Variants in HCFC2 observed in about 807,000 individuals in gnomAD.
HCFC2 encodes the protein host cell factor 2.
HCFC2 carries 18 observed loss-of-function variants against 89.2 expected under a neutral mutation model. The ratio of observed to expected loss-of-function variants is 0.20; its 90% CI spans 0.14 to 0.30. HCFC2 has a LOEUF of 0.30. Among genes scored for constraint, HCFC2 ranks in the 10% least tolerant of loss-of-function variants. The probability of loss-of-function intolerance (pLI) is 1.00; values close to 1 mark genes in which losing one functional copy is unlikely to be tolerated. For synonymous variants in HCFC2, 308 were observed against 335.7 expected, an observed-to-expected ratio of 0.92 and a Z score of 0.90; for missense variants, 578 against 956.1, an observed-to-expected ratio of 0.60 and a Z score of 5.21.
At chr12:104,088,837 T>C (rs1376648139) in intron 9 of HCFC2, among the ~76,000 whole-genome samples, 4 of 152,220 alleles carry the variant, frequency 2.6e-5, no homozygotes, top group Non-Finnish European at 5.9e-5. Context: ...GTTGATTATA[T>C]ACTATATATG....
chr12:104,084,034 G>C (rs1883760056), intron 7 of HCFC2, among the ~76,000 whole-genome samples: 1 of 152,050 alleles, frequency 6.6e-6, no homozygotes, highest in Non-Finnish European at 1.5e-5. Flanking sequence ...TCTCGAAAGG[G>C]GGAAAATAAT....
At chr12:104,074,704 T>A (rs1453655652) in intron 3 of HCFC2, among the ~76,000 whole-genome samples, 1 of 152,186 alleles carries the variant, frequency 6.6e-6, no homozygotes, top group Non-Finnish European at 1.5e-5. Flanking sequence ...TTTCTAACAT[T>A]TATTTATAAT....
At chr12:104,070,093 T>G (rs2954599) in intron 3 of HCFC2, among the ~76,000 whole-genome samples, 146,928 of 152,148 alleles carry the variant, frequency 0.97, 70,972 homozygotes, top group East Asian at 1. Flanking sequence ...CGCAATCCCG[T>G]CTCACTGCAA....
chr12:104,095,210 G>A lies in HCFC2; in HGVS notation c.1463-150G>A, dbSNP rs1884139167. On this transcript the variant is annotated intron_variant, in intron 10 of 14. Coordinates refer to ENST00000229330, the MANE Select transcript of HCFC2 (RefSeq NM_013320.3). This position sits in a 1 kb window ranked among gnomAD's most constrained non-coding sequence, Gnocchi z 4.2. ...CACTTTATTTTTCTAAACATTTTAT[G>A]CCTAATGGATAATTCATACTAATAC... 59 of 612,396 alleles carry A rather than the reference G, an allele frequency of 9.6e-5. No homozygotes were observed. The South Asian group carries it at 1.2e-3, about 13-fold the overall frequency. The allele number at this position is 612,396 out of a possible 1,614,324, so 37.9% of individuals were successfully genotyped here.
In HCFC2 at chr12:104,068,265, C is replaced by G. The variant is rs368492057; in HGVS notation, c.473+158C>G. Among the ~76,000 whole-genome samples the G allele has an allele frequency of 2.2e-4, 34 of 152,110 alleles. No homozygotes were observed. In the East Asian group the frequency reaches 6.4e-3, roughly 29 times the overall value. On this transcript the variant is annotated intron_variant, in intron 3 of 14. Coordinates refer to ENST00000229330, the MANE Select transcript of HCFC2 (RefSeq NM_013320.3). This position sits in a 1 kb window ranked among gnomAD's most constrained non-coding sequence, Gnocchi z 4.1. ...TGTGTGTTTGTGTTTTCCTTAGTACCTGGAGCATACTTGTTTTCAAAACTG... is the reference window on the plus strand; with the variant it reads ...TGTGTGTTTGTGTTTTCCTTAGTACGTGGAGCATACTTGTTTTCAAAACTG...
chr12:104,102,951 C>CG lies in HCFC2; in HGVS notation c.2065-8_2065-7insG, dbSNP rs757527273. On this transcript the variant is annotated splice_polypyrimidine_tract_variant and splice_region_variant and intron_variant, in intron 14 of 14. Coordinates refer to ENST00000229330, the MANE Select transcript of HCFC2 (RefSeq NM_013320.3). ...ACCTTTAACCTGTTTTTTCCCCCCC[C>CG]CTTCAAGAATGTTGAAGGTATCCAC... is the stretch of plus-strand genomic sequence containing the variant. The CG allele has an allele frequency of 1.3e-6, 2 of 1,592,152 alleles. No individual in the cohort carries two copies. The highest frequency in any genetic ancestry group is 2.3e-5 in the East Asian group (1 of 44,372).
chr12:104,068,741 G>A lies in HCFC2; in HGVS notation c.473+634G>A, dbSNP rs1331217016. ...TTTGGTCCACAGGGTGTAGTTTGCT[G>A]GCACAGATTGTAAATAATGGGGCTA... On this transcript the variant is annotated intron_variant, in intron 3 of 14. Transcript: ENST00000229330. The surrounding 1 kb of genome is among the most constrained non-coding windows in gnomAD (Gnocchi z 4.1). Among the ~76,000 whole-genome samples the A allele has an allele frequency of 9.9e-5, 15 of 152,102 alleles. No homozygotes were observed. The highest frequency in any genetic ancestry group is 9.8e-4 in the Admixed American group (15 of 15,268).
intron 14 of HCFC2, 140 bp from the exon 15 acceptor site, chr12:104,102,819 C>A: frequency 1.4e-6 from 1 of 725,954 alleles, no homozygotes; most frequent in Non-Finnish European, 2.1e-6. Context: ...TTTTAAAAAT[C>A]AACAATAAAA....
chr12:104,087,186 C>G (rs1448074751), intron 8 of HCFC2, among the ~76,000 whole-genome samples, 172 bp downstream of exon 8: 1 of 151,896 alleles, frequency 6.6e-6, no homozygotes, highest in East Asian at 1.9e-4. Flanking sequence ...AAAACCCCAT[C>G]TCTACTAAAA....
rs1043628451 is a variant in HCFC2, at chr12:104,064,841, G to A, written c.163+118G>A. On this transcript the variant is annotated intron_variant, in intron 1 of 14. Transcript: ENST00000229330. This position sits in a 1 kb window ranked among gnomAD's most constrained non-coding sequence, Gnocchi z 7.3. ...CGCCCGGTCACTGCTTCCTTGGGCGGGCGGCGGGGAGCGCGGCTCAGCCGG... is the reference window on the plus strand; with the variant it reads ...CGCCCGGTCACTGCTTCCTTGGGCGAGCGGCGGGGAGCGCGGCTCAGCCGG... 3 of 973,188 alleles carry A rather than the reference G, an allele frequency of 3.1e-6. No homozygotes were observed. The East Asian group carries it at 9.9e-5, about 32-fold the overall frequency. 60.3% of individuals were successfully genotyped at this position (973,188 alleles called of 1,614,324 possible). A position where few individuals can be genotyped will look rare whatever the true frequency, so the allele number is the denominator to read the frequency against.
chr12:104,080,118 C>G (rs1284885262), intron 4 of HCFC2, among the ~76,000 whole-genome samples: 1 of 152,198 alleles, frequency 6.6e-6, no homozygotes, highest in Non-Finnish European at 1.5e-5. Flanking sequence ...TAGTGTGCCT[C>G]TCACCTTTGA....
At chr12:104,086,667 C>T (rs1447939042) in intron 7 of HCFC2, among the ~76,000 whole-genome samples, 180 bp from the exon 8 acceptor site, 2 of 140,964 alleles carry the variant, frequency 1.4e-5, no homozygotes, top group African/African-American at 2.6e-5. Flanking sequence ...GAATAAGAAC[C>T]CCAAACTATT....
intron 14 of HCFC2, 113 bp downstream of exon 14, chr12:104,102,266 C>G: frequency 1.2e-6 from 1 of 865,878 alleles, no homozygotes; most frequent in Non-Finnish European, 1.8e-6. Context: ...TGAGAGATAC[C>G]TAAAAGGATG....
intron 9 of HCFC2, among the ~76,000 whole-genome samples, chr12:104,089,748 C>T (rs976216469): frequency 2.0e-5 from 3 of 152,136 alleles, no homozygotes; most frequent in African/African-American, 7.2e-5. Context: ...GCAGGTGAGC[C>T]ATGTAGTGTG....
In HCFC2 at chr12:104,079,524, G is replaced by T; in HGVS notation, c.553G>T (p.Val185Phe). 4 of 1,614,056 alleles carry T rather than the reference G, an allele frequency of 2.5e-6. No individual in the cohort carries two copies. Among genetic ancestry groups the T allele is most frequent in the Non-Finnish European group, 3.4e-6 (4 of 1,179,960 alleles). The change falls in exon 4 of 15, where the codon GTT (valine) becomes TTT (phenylalanine). Residue 185 changes from valine to phenylalanine, a missense_variant. Coordinates refer to ENST00000229330, the MANE Select transcript of HCFC2 (RefSeq NM_013320.3). ...TTGGAGCATTCCAGTGACTAAAGGG[G>T]TTGTGCCTTCTCCAAGAGAATCCCA... ...VGWSIPVTKG[V>F]VPSPRESHTA... is the part of the protein sequence containing the mutation.
chr12:104,073,207 G>A (rs1366553263), intron 3 of HCFC2, among the ~76,000 whole-genome samples: 2 of 141,728 alleles, frequency 1.4e-5, no homozygotes, highest in African/African-American at 2.6e-5. Context: ...CTGCATCGCC[G>A]AGGCTGGAGT....
rs1295100290 is a variant in HCFC2 at position 104,106,436 on chromosome 12, T to G, written c.*3163T>G. ...ACCCTTTAAGGTGTAACTGACTGAC[T>G]GTTGTGTTTTTCAAGACTGATTTTA... On this transcript the variant is annotated 3_prime_UTR_variant, in exon 15 of 15. Transcript: ENST00000229330. 1.3e-5 allele frequency: 2 copies of G among 152,144 alleles called. No individual in the cohort carries two copies. The highest frequency in any genetic ancestry group is 4.8e-5 in the African/African-American group (2 of 41,460). The allele number at this position is 152,144 out of a possible 1,614,324, so 9.4% of individuals were successfully genotyped here.
chr12:104,069,516 C>G (rs1464272225), intron 3 of HCFC2, among the ~76,000 whole-genome samples: 1 of 144,570 alleles, frequency 6.9e-6, no homozygotes, highest in African/African-American at 2.6e-5. Flanking sequence ...TATGTTTTAC[C>G]TTTTTTGTTA....
chr12:104,070,250 G>A (rs1463814635), intron 3 of HCFC2, among the ~76,000 whole-genome samples: 1 of 151,620 alleles, frequency 6.6e-6, no homozygotes, highest in Non-Finnish European at 1.5e-5. Context: ...GGATGGTCTC[G>A]ATCTCCTGAC....
Sources: gnomAD v4.1 joint callset for allele counts (sites outside exome capture counted in the v4.1 genomes callset) on GRCh38, gnomAD v4.1.1 for gene constraint, Gnocchi (gnomAD v3.1) non-coding constraint, MANE v1.5 for transcripts, NCBI Gene and HGNC (gene_info 2026-07-23, HGNC 2026-07-21) for gene names.